The following RAB40B variants were observed in gnomAD, a reference collection of about 807,000 sequenced individuals.
RAB40B encodes the protein RAB40B, member RAS oncogene family.
A neutral mutation model predicts 24.0 loss-of-function variants in RAB40B; 21 were observed. That is an observed-to-expected ratio of 0.88 (90% CI 0.62 to 1.26). The LOEUF is 1.26. Ranked by LOEUF, RAB40B falls within the 50% of genes most tolerant of loss-of-function variation. The pLI, the probability that RAB40B is intolerant of heterozygous loss-of-function variation, is 0.00. For missense variants in RAB40B, 348 were observed against 390.5 expected, an observed-to-expected ratio of 0.89 and a Z score of 0.92; for synonymous variants, 167 against 169.8, an observed-to-expected ratio of 0.98 and a Z score of 0.13.
Position 82,667,706 on chromosome 17 carries a change from C to A in RAB40B, c.143-3150G>T, listed in dbSNP as rs914410427. ...AGACCAAGCAACACCAGAGCAAACT[C>A]CCCCCGTCAGAGGAGAGTGATTCAG... On this transcript the variant is annotated intron_variant, in intron 1 of 5. Coordinates refer to ENST00000571995, the MANE Select transcript of RAB40B (RefSeq NM_006822.3). The surrounding 1 kb of genome is among the most constrained non-coding windows in gnomAD (Gnocchi z 4.3). Among the ~76,000 whole-genome samples, 1 of 152,124 alleles carries A rather than the reference C, an allele frequency of 6.6e-6. No homozygotes were observed. Among genetic ancestry groups the A allele is most frequent in the Non-Finnish European group, 1.5e-5 (1 of 68,032 alleles).
chr17:82,663,090 C>A lies in RAB40B; in HGVS notation c.203+1406G>T, dbSNP rs1195135400. 6.6e-6 allele frequency among the ~76,000 whole-genome samples: 1 copy of A among 152,086 alleles called. No homozygotes were observed. Among genetic ancestry groups the A allele is most frequent in the Non-Finnish European group, 1.5e-5 (1 of 68,000 alleles). ...AGCAGGACAGGGGCTGACGGCAACC[C>A]CAACGCCAGCCCAGCGAGGGCATGG... On this transcript the variant is annotated intron_variant, in intron 2 of 5. Transcript: ENST00000571995. The surrounding 1 kb of genome is among the most constrained non-coding windows in gnomAD (Gnocchi z 6.2).
At chr17:82,660,828 A>G (rs1274530462) in intron 3 of RAB40B, among the ~76,000 whole-genome samples, 159 bp downstream of exon 3, 1 of 152,236 alleles carries the variant, frequency 6.6e-6, no homozygotes, top group African/African-American at 2.4e-5. Context: ...TCAAACAACC[A>G]ACCACTCTAC....
rs1384983894 is a variant in RAB40B, at chr17:82,655,967, T to C, written c.*1896A>G. ...TTAAATTTCTTTTTTTTTTTTTTTTTTAGATGGAGTTTCACTTGTCGCCCA... is the reference window on the plus strand; with the variant it reads ...TTAAATTTCTTTTTTTTTTTTTTTTCTAGATGGAGTTTCACTTGTCGCCCA... On this transcript the variant is annotated 3_prime_UTR_variant, in exon 6 of 6. Coordinates refer to ENST00000571995, the MANE Select transcript of RAB40B (RefSeq NM_006822.3). The C allele has an allele frequency of 6.7e-6, 1 of 148,982 alleles. No individual in the cohort carries two copies. Among genetic ancestry groups the C allele is most frequent in the Non-Finnish European group, 1.5e-5 (1 of 67,718 alleles). The allele number at this position is 148,982 out of a possible 1,614,324, so 9.2% of individuals were successfully genotyped here.
chr17:82,658,969 T>G, intron 4 of RAB40B: 2 of 467,204 alleles, frequency 4.3e-6, no homozygotes, highest in Non-Finnish European at 7.7e-6. Context: ...GAGGCCATGT[T>G]ACGCGAAGGC....
intron 1 of RAB40B, among the ~76,000 whole-genome samples, chr17:82,686,990 C>G (rs1393693182): frequency 3.3e-5 from 5 of 151,874 alleles, no homozygotes; most frequent in Non-Finnish European, 7.4e-5. Context: ...AGGCTCAGAG[C>G]TCAGGGGTAT....
intron 1 of RAB40B, among the ~76,000 whole-genome samples, chr17:82,686,512 G>A (rs1028025753): frequency 6.6e-6 from 1 of 152,184 alleles, no homozygotes; most frequent in Non-Finnish European, 1.5e-5. Context: ...GAGAGATTTG[G>A]GGACACAGAC....
intron 1 of RAB40B, among the ~76,000 whole-genome samples, chr17:82,683,805 C>CAAAAAA (rs35145848): frequency 3.3e-5 from 3 of 90,788 alleles, no homozygotes; most frequent in Non-Finnish European, 6.7e-5. Flanking sequence ...ACCCTGTTTC[C>CAAAAAA]AAAAAAAAAA....
intron 1 of RAB40B, among the ~76,000 whole-genome samples, chr17:82,691,336 G>A (rs2046555481): frequency 6.6e-6 from 1 of 152,144 alleles, no homozygotes; most frequent in South Asian, 2.1e-4. Flanking sequence ...AGGGTGGGAG[G>A]CAAGAGGTGG....
chr17:82,686,908 C>T (rs1325511253), intron 1 of RAB40B, among the ~76,000 whole-genome samples: 1 of 151,784 alleles, frequency 6.6e-6, no homozygotes, highest in African/African-American at 2.4e-5. Context: ...ACCCTCCCAT[C>T]CAGTGCTGGG....
At chr17:82,671,076 T>C (rs1036086524) in intron 1 of RAB40B, among the ~76,000 whole-genome samples, 1 of 151,860 alleles carries the variant, frequency 6.6e-6, no homozygotes, top group Non-Finnish European at 1.5e-5. Flanking sequence ...GTTTTAGGCA[T>C]CCACTGACTT....
chr17:82,685,557 A>G (rs1472847647), intron 1 of RAB40B, among the ~76,000 whole-genome samples: 1 of 152,188 alleles, frequency 6.6e-6, no homozygotes, highest in African/African-American at 2.4e-5. Flanking sequence ...CCTCCAGGGC[A>G]GGTCCTAGGG....
At chr17:82,662,343 G>A (rs753605400) in intron 2 of RAB40B, 350 of 985,370 alleles carry the variant, frequency 3.6e-4, no homozygotes, top group Non-Finnish European at 4.1e-4. Context: ...AGGAGGCAGC[G>A]GGCCAGGTCA....
At chr17:82,666,470 C>T (rs994108998) in intron 1 of RAB40B, among the ~76,000 whole-genome samples, 1 of 152,024 alleles carries the variant, frequency 6.6e-6, no homozygotes, top group African/African-American at 2.4e-5. Flanking sequence ...GTCTTGAACT[C>T]CTGACTTCAG....
chr17:82,678,757 G>A (rs751500561), intron 1 of RAB40B, among the ~76,000 whole-genome samples: 2 of 152,160 alleles, frequency 1.3e-5, no homozygotes, highest in South Asian at 2.1e-4. Flanking sequence ...CAGGGCTCCT[G>A]GAAGTGGCCG....
In RAB40B at chr17:82,675,173, G is replaced by A. The variant is rs572358392; in HGVS notation, c.143-10617C>T. Among the ~76,000 whole-genome samples, 79 of 152,206 alleles carry A rather than the reference G, an allele frequency of 5.2e-4. 1 individual carries two copies. In the Middle Eastern group the frequency reaches 0.014, roughly 26 times the overall value. On this transcript the variant is annotated intron_variant, in intron 1 of 5. Transcript: ENST00000571995. This position sits in a 1 kb window ranked among gnomAD's most constrained non-coding sequence, Gnocchi z 4.5. Reference sequence around the variant, plus strand: ...CAAAGTACAATGACCTCCACATCCCGGAATTTCACTAACAATAAACAAGAA... The same window carrying A: ...CAAAGTACAATGACCTCCACATCCCAGAATTTCACTAACAATAAACAAGAA...
At chr17:82,659,812 C>G (rs934009784) in intron 3 of RAB40B, 155 bp from the exon 4 acceptor site, 1 of 633,282 alleles carries the variant, frequency 1.6e-6, no homozygotes, top group Non-Finnish European at 2.8e-6. Flanking sequence ...GTTTTATGAT[C>G]ATTTTCAGTG....
At chr17:82,660,309 C>T (rs1247355006) in intron 3 of RAB40B, among the ~76,000 whole-genome samples, 1 of 151,990 alleles carries the variant, frequency 6.6e-6, no homozygotes. Context: ...AGCAGGCACT[C>T]ATGCACAGAC....
intron 4 of RAB40B, chr17:82,659,183 T>G: frequency 3.6e-6 from 1 of 279,962 alleles, no homozygotes; most frequent in African/African-American, 2.2e-5. Context: ...GGGACACTCA[T>G]ACAGTGGGCT....
At position 82,658,031 on chromosome 17, in the gene RAB40B, C is replaced by T. The variant is rs749229381; in HGVS notation, c.669G>A (p.Lys223=). Residue 223 remains lysine, a synonymous_variant, in exon 6 of 6, where the codon AAG becomes AAA. Transcript: ENST00000571995. ...PLPIALRSHL[K]SFSMANGLNA... ...TCAGGCCGTTGGCCATCGAGAAGGACTTGAGGTGGCTTCTTAAGGCAATGG... is the reference window on the plus strand; with the variant it reads ...TCAGGCCGTTGGCCATCGAGAAGGATTTGAGGTGGCTTCTTAAGGCAATGG... 1.9e-6 allele frequency: 3 copies of T among 1,614,230 alleles called. No homozygotes were observed. Among genetic ancestry groups the T allele is most frequent in the Admixed American group, 3.3e-5 (2 of 60,026 alleles).
Sources: gnomAD v4.1 joint callset for allele counts (sites outside exome capture counted in the v4.1 genomes callset) on GRCh38, gnomAD v4.1.1 for gene constraint, Gnocchi (gnomAD v3.1) non-coding constraint, MANE v1.5 for transcripts, NCBI Gene and HGNC (gene_info 2026-07-23, HGNC 2026-07-21) for gene names.